TUSC3: variants seen among roughly 807,000 people sequenced by gnomAD.
The protein encoded by TUSC3 is tumor suppressor candidate 3, also known as dolichyl-diphosphooligosaccharide--protein glycosyltransferase subunit TUSC3.
A neutral mutation model predicts 44.8 loss-of-function variants in TUSC3; 45 were observed. That is an observed-to-expected ratio of 1.00 (90% CI 0.79 to 1.29). The LOEUF is 1.29. TUSC3 is among the 50% of genes most tolerant of loss of function. The pLI is 0.00. For synonymous variants in TUSC3, 212 were observed against 152.9 expected (o/e 1.39, Z -2.85); for missense variants, 519 against 437.9 (o/e 1.19, Z -1.65).
At chr8:15,617,474 T>C (rs1805048744) in intron 1 of TUSC3, among the ~76,000 whole-genome samples, 1 of 152,060 alleles carries the variant, frequency 6.6e-6, no homozygotes, top group South Asian at 2.1e-4. Context: ...TTAATATGGA[T>C]GCCTCCAACT....
chr8:15,548,825 G>A (rs1038934584), intron 1 of TUSC3, among the ~76,000 whole-genome samples: 3 of 151,704 alleles, frequency 2.0e-5, no homozygotes, highest in Admixed American at 6.6e-5. Context: ...GCTATACAAC[G>A]CTATTTGTCA....
At chr8:15,447,437 T>C (rs1019697726) in intron 1 of TUSC3, among the ~76,000 whole-genome samples, 2 of 152,166 alleles carry the variant, frequency 1.3e-5, no homozygotes, top group Non-Finnish European at 1.5e-5. Context: ...TTAAATTACT[T>C]CATTATGAAA....
intron 2 of TUSC3, among the ~76,000 whole-genome samples, chr8:15,643,126 CCTT>C (rs1181009885): frequency 6.6e-6 from 1 of 152,116 alleles, no homozygotes; most frequent in African/African-American, 2.4e-5. Flanking sequence ...GCTTGGCACT[CCTT>C]CTTCCTGCCG....
At chr8:15,746,618 A>G (rs1039890715) in intron 8 of TUSC3, among the ~76,000 whole-genome samples, 9 of 152,074 alleles carry the variant, frequency 5.9e-5, no homozygotes, top group Non-Finnish European at 1.3e-4. Context: ...GCATAGGATC[A>G]AGTAATTATC....
intron 1 of TUSC3, among the ~76,000 whole-genome samples, chr8:15,555,174 G>A (rs1468829905): frequency 1.4e-4 from 16 of 111,244 alleles, no homozygotes; most frequent in African/African-American, 5.6e-4. Flanking sequence ...GGGGGGACGA[G>A]ATCTTACTCT....
At chr8:15,668,119 A>G (rs936550151) in intron 5 of TUSC3, among the ~76,000 whole-genome samples, 6 of 151,782 alleles carry the variant, frequency 4.0e-5, no homozygotes, top group African/African-American at 1.2e-4. Flanking sequence ...AAGGATTGGT[A>G]TCTGTTTTGT....
At chr8:15,431,787 G>A (rs573370285) in intron 1 of TUSC3, among the ~76,000 whole-genome samples, 1 of 151,742 alleles carries the variant, frequency 6.6e-6, no homozygotes. Context: ...TGACTATTAT[G>A]TTAGCTGTGG....
intron 6 of TUSC3, among the ~76,000 whole-genome samples, chr8:15,678,101 G>C (rs1364745125): frequency 1.6e-4 from 25 of 152,184 alleles, no homozygotes; most frequent in Non-Finnish European, 1.5e-5. Context: ...TCTGCTATGA[G>C]ATCTCTGGGA....
At chr8:15,547,440 T>C (rs1211483373) in intron 1 of TUSC3, among the ~76,000 whole-genome samples, 1 of 151,644 alleles carries the variant, frequency 6.6e-6, no homozygotes, top group Admixed American at 6.6e-5. Flanking sequence ...GCTATTCATA[T>C]TAAATACTAA....
chr8:15,543,425 T>G (rs1195225940), intron 1 of TUSC3, among the ~76,000 whole-genome samples: 1 of 152,128 alleles, frequency 6.6e-6, no homozygotes, highest in Non-Finnish European at 1.5e-5. Flanking sequence ...GATTTTTAAG[T>G]CAGACAGATA....
intron 6 of TUSC3, among the ~76,000 whole-genome samples, chr8:15,675,107 G>C (rs995648003): frequency 1.5e-4 from 23 of 151,944 alleles, no homozygotes; most frequent in Admixed American, 1.3e-3. Flanking sequence ...TTTGCCTTTT[G>C]CCATGACCCT....
At chr8:15,439,062 G>A (rs909341242) in intron 1 of TUSC3, among the ~76,000 whole-genome samples, 7 of 152,116 alleles carry the variant, frequency 4.6e-5, no homozygotes, top group African/African-American at 1.4e-4. Context: ...GCTATTTGAC[G>A]GCACTGTGAC....
Position 15,612,432 on chromosome 8 carries a change from G to T in TUSC3, c.139-10648G>T, listed in dbSNP as rs111917919. On this transcript the variant is annotated intron_variant, in intron 1 of 10. Transcript: ENST00000503731. ...ACTTTGGAATGAACCATTGTATTAC[G>T]TATTGTTTAATGCAATGTACTATTT... is the stretch of plus-strand genomic sequence containing the variant. 1.6e-3 allele frequency among the ~76,000 whole-genome samples: 248 copies of T among 152,152 alleles called. 1 individual carries two copies. The highest frequency in any genetic ancestry group is 2.5e-3 in the Non-Finnish European group (173 of 68,002).
chr8:15,498,968 A>AT (rs1265830536), intron 2 of TUSC3, among the ~76,000 whole-genome samples: 2 of 152,090 alleles, frequency 1.3e-5, no homozygotes, highest in African/African-American at 4.8e-5. Context: ...ATTTTTTCTC[A>AT]TAGACCTTAT....
At chr8:15,784,555 C>A in the TUSC3 span, among the ~76,000 whole-genome samples, 43 of 151,876 alleles carry the variant, frequency 2.8e-4, no homozygotes, top group Non-Finnish European at 5.3e-4. Flanking sequence ...TATGCACACA[C>A]ACACACCGTG....
At position 15,638,523 on chromosome 8, in the gene TUSC3, T is replaced by C. The variant is rs113974258; in HGVS notation, c.309-12174T>C. 7.1e-4 allele frequency among the ~76,000 whole-genome samples: 92 copies of C among 129,580 alleles called. 1 individual carries two copies. Among genetic ancestry groups the C allele is most frequent in the Non-Finnish European group, 8.5e-4 (52 of 61,050 alleles). 85.0% of individuals were successfully genotyped at this position (129,580 alleles called of 152,430 possible). A position where few individuals can be genotyped will look rare whatever the true frequency, so the allele number is the denominator to read the frequency against. On this transcript the variant is annotated intron_variant, in intron 2 of 10. Coordinates refer to ENST00000503731, the MANE Select transcript of TUSC3 (RefSeq NM_006765.4). ...TTTTTTTTTCTTTTTTTCTTTTTTT[T>C]TTTTTTTTTTTTTTTTGGAGACAAG... is the stretch of plus-strand genomic sequence containing the variant.
At chr8:15,620,569 C>T (rs1414862043) in intron 1 of TUSC3, among the ~76,000 whole-genome samples, 1 of 152,060 alleles carries the variant, frequency 6.6e-6, no homozygotes, top group African/African-American at 2.4e-5. Context: ...TGTATGATAA[C>T]TAGAAGTGTA....
intron 1 of TUSC3, among the ~76,000 whole-genome samples, chr8:15,447,829 G>A (rs1402054438): frequency 6.6e-6 from 1 of 151,322 alleles, no homozygotes. Flanking sequence ...GTGATACCAT[G>A]CGAGAACCCA....
At chr8:15,785,101 G>A in the TUSC3 span, among the ~76,000 whole-genome samples, 2 of 151,908 alleles carry the variant, frequency 1.3e-5, no homozygotes, top group Non-Finnish European at 2.9e-5. Flanking sequence ...ACTAAAGAAT[G>A]AATTTCTAAC....
Sources: gnomAD v4.1 joint callset for allele counts (sites outside exome capture counted in the v4.1 genomes callset) on GRCh38, gnomAD v4.1.1 for gene constraint, MANE v1.5 for transcripts, NCBI Gene and HGNC (gene_info 2026-07-23, HGNC 2026-07-21) for gene names.